The following NKAIN2 variants were observed in gnomAD, a reference collection of about 807,000 sequenced individuals.
NKAIN2 encodes sodium/potassium transporting ATPase interacting 2, also known as sodium/potassium-transporting ATPase subunit beta-1-interacting protein 2.
A neutral mutation model predicts 32.6 loss-of-function variants in NKAIN2; 14 were observed. That is an observed-to-expected ratio of 0.43 (90% CI 0.28 to 0.67). The LOEUF (loss-of-function observed/expected upper bound fraction) is 0.67. NKAIN2 is among the 30% of genes least tolerant of loss of function. NKAIN2 has a pLI of 0.17. For missense variants in NKAIN2, 198 were observed against 258.3 expected, an observed-to-expected ratio of 0.77 and a Z score of 1.60; for synonymous variants, 80 against 87.2, an observed-to-expected ratio of 0.92 and a Z score of 0.46.
At chr6:124,010,223 G>A (rs967346422) in intron 1 of NKAIN2, among the ~76,000 whole-genome samples, 3 of 152,066 alleles carry the variant, frequency 2.0e-5, no homozygotes, top group Non-Finnish European at 4.4e-5. Context: ...AAGGGAATTT[G>A]TAATAAGACT....
At chr6:124,235,260 C>A (rs73770375) in intron 1 of NKAIN2, among the ~76,000 whole-genome samples, 3,817 of 152,212 alleles carry the variant, frequency 0.025, 150 homozygotes, top group African/African-American at 0.088. Flanking sequence ...TAGAATTTCA[C>A]CCCTTTTCTA....
At chr6:124,666,666 G>A (rs899106602) in intron 4 of NKAIN2, among the ~76,000 whole-genome samples, 1 of 152,134 alleles carries the variant, frequency 6.6e-6, no homozygotes, top group East Asian at 1.9e-4. Flanking sequence ...ACTGAAAAGT[G>A]CAGTTGTAAA....
chr6:124,519,984 C>G (rs766702086), intron 3 of NKAIN2, among the ~76,000 whole-genome samples: 3 of 152,076 alleles, frequency 2.0e-5, no homozygotes, highest in Non-Finnish European at 2.9e-5. Context: ...CTACTGCTAT[C>G]CATTTTAGAG....
intron 3 of NKAIN2, among the ~76,000 whole-genome samples, chr6:124,534,708 T>C (rs606324): frequency 0.94 from 143,701 of 152,256 alleles, 68,356 homozygotes; most frequent in East Asian, 1. Flanking sequence ...TTCCTTAGCT[T>C]GTTTCATTTG....
At chr6:124,220,686 C>G (rs1791769364) in intron 1 of NKAIN2, among the ~76,000 whole-genome samples, 1 of 151,138 alleles carries the variant, frequency 6.6e-6, no homozygotes, top group Non-Finnish European at 1.5e-5. Context: ...TAATTTTGCC[C>G]CAAATTATAT....
chr6:124,338,592 T>G (rs1797979965), intron 2 of NKAIN2, among the ~76,000 whole-genome samples: 1 of 152,162 alleles, frequency 6.6e-6, no homozygotes, highest in African/African-American at 2.4e-5. Flanking sequence ...TTGGAAATAT[T>G]CAGAACTCTA....
intron 4 of NKAIN2, among the ~76,000 whole-genome samples, chr6:124,724,863 C>T (rs1776195917): frequency 6.6e-6 from 1 of 152,148 alleles, no homozygotes; most frequent in Admixed American, 6.5e-5. Flanking sequence ...GTTCACATAG[C>T]TTGGCCTTAG....
At chr6:124,671,129 C>G (rs1773078930) in intron 4 of NKAIN2, among the ~76,000 whole-genome samples, 1 of 151,998 alleles carries the variant, frequency 6.6e-6, no homozygotes, top group East Asian at 1.9e-4. Flanking sequence ...AACACGAAGC[C>G]TTAAGGTTTG....
chr6:123,928,893 T>C (rs1387153628), intron 1 of NKAIN2, among the ~76,000 whole-genome samples: 1 of 152,180 alleles, frequency 6.6e-6, no homozygotes, highest in Non-Finnish European at 1.5e-5. Flanking sequence ...TAGATTGTGG[T>C]GTATTAATGC....
chr6:124,224,421 G>T (rs1281928510), intron 1 of NKAIN2, among the ~76,000 whole-genome samples: 2 of 152,064 alleles, frequency 1.3e-5, no homozygotes, highest in African/African-American at 4.8e-5. Flanking sequence ...ACACCGTTTA[G>T]GTAGCCTAAG....
At chr6:124,199,302 C>T (rs802279) in intron 1 of NKAIN2, among the ~76,000 whole-genome samples, 7 of 151,998 alleles carry the variant, frequency 4.6e-5, no homozygotes, top group African/African-American at 1.4e-4. Context: ...TGAATTGATA[C>T]GGTGTAATCT....
At chr6:124,661,238 A>T (rs893837725) in intron 4 of NKAIN2, among the ~76,000 whole-genome samples, 2 of 152,202 alleles carry the variant, frequency 1.3e-5, no homozygotes, top group Non-Finnish European at 2.9e-5. Flanking sequence ...TCTTAGCTCC[A>T]TGCAGTTTTG....
At chr6:124,533,029 A>G (rs908124508) in intron 3 of NKAIN2, among the ~76,000 whole-genome samples, 1 of 151,970 alleles carries the variant, frequency 6.6e-6, no homozygotes, top group Non-Finnish European at 1.5e-5. Flanking sequence ...TGCATCTCCA[A>G]TTTTCCTACC....
chr6:123,892,189 T>G (rs968605634), intron 1 of NKAIN2, among the ~76,000 whole-genome samples: 1 of 152,202 alleles, frequency 6.6e-6, no homozygotes, highest in African/African-American at 2.4e-5. Context: ...CATTACATAC[T>G]TGGCCCCAGC....
chr6:124,171,424 C>T lies in NKAIN2; in HGVS notation c.55-111581C>T, dbSNP rs929148895. ...AGAAAATTCATTTCTGCAGTTTATTCGGATCCATTCTGGAATAATTTTTCC... is the reference window on the plus strand; with the variant it reads ...AGAAAATTCATTTCTGCAGTTTATTTGGATCCATTCTGGAATAATTTTTCC... On this transcript the variant is annotated intron_variant, in intron 1 of 6. Transcript: ENST00000368417. Among the ~76,000 whole-genome samples the T allele has an allele frequency of 2.0e-5, 3 of 151,782 alleles. No homozygotes were observed. The East Asian group carries it at 5.8e-4, about 29-fold the overall frequency.
chr6:124,003,912 A>G (rs773161797), intron 1 of NKAIN2, among the ~76,000 whole-genome samples: 1 of 152,194 alleles, frequency 6.6e-6, no homozygotes, highest in Admixed American at 6.6e-5. Flanking sequence ...AGATTGCCAG[A>G]CTTTAAAGAC....
chr6:123,827,448 T>G (rs2114904252), intron 1 of NKAIN2, among the ~76,000 whole-genome samples: 1 of 152,254 alleles, frequency 6.6e-6, no homozygotes, highest in Middle Eastern at 3.4e-3. Context: ...ATGAAAAAAT[T>G]GAAAACAATA....
intron 1 of NKAIN2, among the ~76,000 whole-genome samples, chr6:124,011,763 A>C (rs1780341224): frequency 6.6e-6 from 1 of 152,142 alleles, no homozygotes; most frequent in Non-Finnish European, 1.5e-5. Flanking sequence ...GCCTACATCA[A>C]ATTTTAATTC....
At chr6:124,605,960 A>G (rs904391668) in intron 3 of NKAIN2, among the ~76,000 whole-genome samples, 6 of 152,010 alleles carry the variant, frequency 3.9e-5, no homozygotes, top group African/African-American at 9.7e-5. Flanking sequence ...TTTCTGTGCA[A>G]TGTTCTTAAA....
Sources: gnomAD v4.1 joint callset for allele counts (sites outside exome capture counted in the v4.1 genomes callset) on GRCh38, gnomAD v4.1.1 for gene constraint, MANE v1.5 for transcripts, NCBI Gene and HGNC (gene_info 2026-07-23, HGNC 2026-07-21) for gene names.